EML6: variants seen among roughly 807,000 people sequenced by gnomAD.
EML6 encodes the protein EMAP like 6, also known as echinoderm microtubule-associated protein-like 6.
A neutral mutation model predicts 240.1 loss-of-function variants in EML6; 154 were observed. The observed-to-expected ratio is 0.64, with a 90% CI of 0.56 to 0.73. EML6 has a LOEUF of 0.73. Among genes scored for constraint, EML6 ranks in the 30% least tolerant of loss-of-function variants. The pLI is 0.00. For synonymous variants in EML6, 1,148 were observed against 899.0 expected (o/e 1.28, Z -4.95); for missense variants, 2,964 against 2,474.6 (o/e 1.20, Z -4.20).
Position 54,724,487 on chromosome 2 carries a change from G to C in EML6, c.-513-62G>C, listed in dbSNP as rs950414072. The C allele has an allele frequency of 3.9e-5, 6 of 152,128 alleles. No individual in the cohort carries two copies. The highest frequency in any genetic ancestry group is 1.4e-4 in the African/African-American group (6 of 41,430). 9.4% of individuals were successfully genotyped at this position (152,128 alleles called of 1,614,324 possible). A position where few individuals can be genotyped will look rare whatever the true frequency, so the allele number is the denominator to read the frequency against. ...GTTTAGTTTGGGGATAATTTTCTTG[G>C]ATTGGGTGACTTATGCGAAAAATCT... On this transcript the variant is annotated intron_variant, in intron 1 of 41. Coordinates refer to ENST00000356458, the MANE Select transcript of EML6 (RefSeq NM_001039753.4). The surrounding 1 kb of genome is among the most constrained non-coding windows in gnomAD (Gnocchi z 5.2).
chr2:54,818,079 T>A (rs1300768810), intron 4 of EML6, among the ~76,000 whole-genome samples: 1 of 152,228 alleles, frequency 6.6e-6, no homozygotes, highest in African/African-American at 2.4e-5. Context: ...TTACTGCTTC[T>A]ATTTCTGAGT....
chr2:54,838,816 AATGTGG>A (rs1669289126), intron 7 of EML6, among the ~76,000 whole-genome samples: 1 of 152,202 alleles, frequency 6.6e-6, no homozygotes, highest in African/African-American at 2.4e-5. Flanking sequence ...ATGGTGTCCA[AATGTGG>A]ACACCTCATC....
intron 11 of EML6, among the ~76,000 whole-genome samples, chr2:54,854,908 A>G (rs1200761991): frequency 6.6e-6 from 1 of 152,208 alleles, no homozygotes; most frequent in Non-Finnish European, 1.5e-5. Flanking sequence ...TTAGGCCTCC[A>G]AGAAAGTACC....
chr2:54,885,162 AAAC>A (rs1672057851), intron 17 of EML6, among the ~76,000 whole-genome samples: 1 of 151,582 alleles, frequency 6.6e-6, no homozygotes, highest in African/African-American at 2.4e-5. Flanking sequence ...GTCTCAAAAA[AAAC>A]CTGGCACGGT....
At chr2:54,936,146 C>G (rs990858031) in intron 28 of EML6, among the ~76,000 whole-genome samples, 2 of 152,200 alleles carry the variant, frequency 1.3e-5, no homozygotes, top group African/African-American at 4.8e-5. Flanking sequence ...TATTTAGTGC[C>G]AATGTCTACA....
intron 28 of EML6, among the ~76,000 whole-genome samples, chr2:54,932,986 G>A (rs1417780691): frequency 6.6e-6 from 1 of 152,154 alleles, no homozygotes; most frequent in Admixed American, 6.5e-5. Flanking sequence ...GCAGGAGTGG[G>A]GCAACTTCAG....
intron 2 of EML6, among the ~76,000 whole-genome samples, chr2:54,800,891 C>T (rs368931583): frequency 2.0e-5 from 3 of 152,100 alleles, no homozygotes; most frequent in South Asian, 2.1e-4. Flanking sequence ...TAACATGTGA[C>T]GTCTCTGGAA....
At chr2:54,814,412 C>T (rs761125513) in intron 3 of EML6, among the ~76,000 whole-genome samples, 9 of 152,156 alleles carry the variant, frequency 5.9e-5, no homozygotes, top group Non-Finnish European at 1.2e-4. Context: ...TAGGTTGATA[C>T]GTTCTAGAAA....
rs1438461257 is a variant in EML6, at chr2:54,725,798, AGT to A, written c.197+543_197+544del. Among the ~76,000 whole-genome samples the A allele has an allele frequency of 6.6e-6, 1 of 152,228 alleles. No individual in the cohort carries two copies. Among genetic ancestry groups the A allele is most frequent in the Non-Finnish European group, 1.5e-5 (1 of 68,032 alleles). On this transcript the variant is annotated intron_variant, in intron 2 of 41. Coordinates refer to ENST00000356458, the MANE Select transcript of EML6 (RefSeq NM_001039753.4). This position sits in a 1 kb window ranked among gnomAD's most constrained non-coding sequence, Gnocchi z 4.3. ...TTTGTTCTCTAATATTTCACTTGGC[AGT>A]GTTTTAATGCCCAAAGCATATTTAT...
At position 54,971,373 on chromosome 2, in the gene EML6, G is replaced by C. The variant is rs1380065498; in HGVS notation, c.*1278G>C. 1 of 152,246 alleles carries C rather than the reference G, an allele frequency of 6.6e-6. No individual in the cohort carries two copies. The highest frequency in any genetic ancestry group is 2.1e-4 in the South Asian group (1 of 4,836). The allele number at this position is 152,246 out of a possible 1,614,324, so 9.4% of individuals were successfully genotyped here. On this transcript the variant is annotated 3_prime_UTR_variant, in exon 42 of 42. Transcript: ENST00000356458. ...ATGTGGCTGACAGTGCTCACTGAAA[G>C]GAGAGTTGGTGCGGGACTGGTGGTT...
chr2:54,954,836 A>G (rs1205368728), intron 32 of EML6, among the ~76,000 whole-genome samples: 1 of 152,190 alleles, frequency 6.6e-6, no homozygotes, highest in East Asian at 1.9e-4. Flanking sequence ...AGCAGATCCA[A>G]TTAGTCAGAA....
At chr2:54,752,558 C>T (rs1003323719) in intron 2 of EML6, among the ~76,000 whole-genome samples, 1 of 152,080 alleles carries the variant, frequency 6.6e-6, no homozygotes, top group African/African-American at 2.4e-5. Flanking sequence ...AATATGTTCT[C>T]TTTTGTGTGG....
At chr2:54,853,911 T>C in intron 11 of EML6, 56 bp downstream of exon 11, 4 of 1,142,202 alleles carry the variant, frequency 3.5e-6, no homozygotes, top group South Asian at 3.1e-5. Context: ...CTGTATACAG[T>C]ACAATTAAGG....
At chr2:54,797,167 A>AAAAAAAAAAAAAAAACAAAAAC (rs1669838914) in intron 2 of EML6, among the ~76,000 whole-genome samples, 7 of 114,018 alleles carry the variant, frequency 6.1e-5, no homozygotes, top group South Asian at 6.2e-4. Flanking sequence ...TCCATCTCAA[A>AAAAAAAAAAAAAAAACAAAAAC]AAAAAAAAAA....
chr2:54,807,591 T>C (rs1381958550), intron 2 of EML6, among the ~76,000 whole-genome samples: 1 of 152,080 alleles, frequency 6.6e-6, no homozygotes, highest in African/African-American at 2.4e-5. Context: ...GAAAATGGAG[T>C]TGGGAAGAGG....
chr2:54,826,134 A>AT (rs916637841), intron 5 of EML6, among the ~76,000 whole-genome samples: 26 of 152,126 alleles, frequency 1.7e-4, no homozygotes, highest in Admixed American at 2.6e-4. Flanking sequence ...AGATTTCAGT[A>AT]TTTTTTCTAA....
rs377391330 is a variant in EML6 at position 54,957,862 on chromosome 2, C to T, written c.4559C>T (p.Thr1520Met). The T allele has an allele frequency of 6.9e-5, 107 of 1,551,142 alleles. No homozygotes were observed. In the African/African-American group the frequency reaches 1.0e-3, roughly 14 times the overall value. The stretch of plus-strand genomic sequence containing the variant: ...GTGGAATTTCGCCCCGACTCAGACA[C>T]GCAGTTTGTATCTGTCGGGGTCAAA... The part of the protein sequence containing the change: ...FVVEFRPDSD[T>M]QFVSVGVKHM... Residue 1520 changes from threonine to methionine, a missense_variant, in exon 33 of 42, where the codon ACG becomes ATG. Transcript: ENST00000356458.
At chr2:54,896,041 AGT>A (rs1207745439) in intron 21 of EML6, among the ~76,000 whole-genome samples, 4 of 152,238 alleles carry the variant, frequency 2.6e-5, no homozygotes, top group African/African-American at 7.2e-5. Flanking sequence ...ATTATGCAAG[AGT>A]GTGAAAACAC....
intron 5 of EML6, among the ~76,000 whole-genome samples, chr2:54,824,791 C>G (rs1668509099): frequency 6.6e-6 from 1 of 152,160 alleles, no homozygotes; most frequent in African/African-American, 2.4e-5. Flanking sequence ...GCTAGATGAA[C>G]TCAAGGTACC....
Sources: allele counts gnomAD v4.1 joint callset (sites outside exome capture counted in the v4.1 genomes callset), GRCh38; gene constraint gnomAD v4.1.1; non-coding constraint Gnocchi (gnomAD v3.1); transcripts MANE v1.5; gene names NCBI Gene and HGNC (gene_info 2026-07-23, HGNC 2026-07-21).